The following SSH2 variants were observed in gnomAD, a reference collection of about 807,000 sequenced individuals.
SSH2 encodes protein phosphatase Slingshot homolog 2.
In SSH2, 37 loss-of-function variants were observed where a neutral mutation model predicts 135.2. The observed-to-expected ratio is 0.27, with a 90% CI of 0.21 to 0.36. SSH2 has a LOEUF of 0.36. Among genes scored for constraint, SSH2 ranks in the 10% least tolerant of loss-of-function variants. The pLI is 1.00. For synonymous variants in SSH2, 628 were observed against 646.2 expected (o/e 0.97, Z 0.43); for missense variants, 1,408 against 1,765.3 (o/e 0.80, Z 3.63).
At chr17:29,794,256 A>C (rs2042120755) in intron 2 of SSH2, among the ~76,000 whole-genome samples, 1 of 152,194 alleles carries the variant, frequency 6.6e-6, no homozygotes, top group Non-Finnish European at 1.5e-5. Flanking sequence ...TCAGCTTCAA[A>C]ACGAGTGGGC....
intron 3 of SSH2, among the ~76,000 whole-genome samples, chr17:29,752,531 TTTTA>T (rs1262550205): frequency 4.6e-5 from 7 of 152,226 alleles, no homozygotes; most frequent in African/African-American, 1.7e-4. Context: ...ATTCCAGATG[TTTTA>T]AAGAGTTAAA....
chr17:29,702,916 G>C, intron 4 of SSH2, 43 bp downstream of exon 4: 1 of 1,398,592 alleles, frequency 7.2e-7, no homozygotes, highest in Middle Eastern at 1.8e-4. Flanking sequence ...TGTAACAAAA[G>C]ATATAGTTAC....
chr17:29,884,496 A>G (rs1440291887), intron 1 of SSH2, among the ~76,000 whole-genome samples: 1 of 152,144 alleles, frequency 6.6e-6, no homozygotes, highest in Non-Finnish European at 1.5e-5. Context: ...AAGAGACTAC[A>G]AACATTACTT....
At chr17:29,718,812 T>C (rs1023681291) in intron 3 of SSH2, among the ~76,000 whole-genome samples, 1 of 150,274 alleles carries the variant, frequency 6.7e-6, no homozygotes, top group Non-Finnish European at 1.5e-5. Context: ...GTTTCCAAGA[T>C]GGCTCATTTA....
chr17:29,893,305 G>A (rs2066384214), intron 1 of SSH2, among the ~76,000 whole-genome samples: 1 of 151,790 alleles, frequency 6.6e-6, no homozygotes, highest in African/African-American at 2.4e-5. Flanking sequence ...AAGGGGGGGT[G>A]GGGGAGAATT....
intron 3 of SSH2, among the ~76,000 whole-genome samples, chr17:29,707,786 A>G (rs923320963): frequency 5.9e-5 from 9 of 152,280 alleles, no homozygotes; most frequent in African/African-American, 2.2e-4. Context: ...TTGGCCTCCC[A>G]AAGTGCTGGG....
chr17:29,760,818 A>G (rs1328347741), intron 3 of SSH2, among the ~76,000 whole-genome samples: 1 of 151,938 alleles, frequency 6.6e-6, no homozygotes, highest in South Asian at 2.1e-4. Context: ...CCTTCACCCA[A>G]GTCTTCCAAG....
At chr17:29,718,355 C>G (rs535787386) in intron 3 of SSH2, among the ~76,000 whole-genome samples, 2 of 152,308 alleles carry the variant, frequency 1.3e-5, no homozygotes, top group East Asian at 3.9e-4. Flanking sequence ...ATGGCTATCA[C>G]CATCCTGTAT....
intron 2 of SSH2, among the ~76,000 whole-genome samples, chr17:29,841,912 T>TTG: frequency 6.7e-6 from 1 of 148,752 alleles, no homozygotes; most frequent in South Asian, 2.2e-4. Flanking sequence ...TTTTTTTTTT[T>TTG]TTGTAGAGAC....
At chr17:29,717,336 A>AT (rs1251811059) in intron 3 of SSH2, among the ~76,000 whole-genome samples, 7 of 152,132 alleles carry the variant, frequency 4.6e-5, no homozygotes, top group African/African-American at 1.7e-4. Context: ...AGGTCTCACT[A>AT]TGTTGCCCAA....
At chr17:29,712,289 G>A (rs1457006372) in intron 3 of SSH2, among the ~76,000 whole-genome samples, 1 of 152,180 alleles carries the variant, frequency 6.6e-6, no homozygotes, top group East Asian at 1.9e-4. Context: ...GAGGTATGTA[G>A]CTTTTAAAAA....
At chr17:29,733,796 G>A (rs1217245334) in intron 3 of SSH2, among the ~76,000 whole-genome samples, 1 of 151,778 alleles carries the variant, frequency 6.6e-6, no homozygotes, top group African/African-American at 2.4e-5. Flanking sequence ...ACTATTTAAT[G>A]AAAAATGTCT....
intron 3 of SSH2, among the ~76,000 whole-genome samples, chr17:29,725,219 T>C (rs1023829689): frequency 2.6e-5 from 4 of 151,350 alleles, no homozygotes; most frequent in Non-Finnish European, 5.9e-5. Flanking sequence ...TGGTGGTGCG[T>C]GCCTGTAGTC....
At position 29,798,268 on chromosome 17, in the gene SSH2, C is replaced by T. The variant is rs566287214; in HGVS notation, c.145-4331G>A. 2.6e-5 allele frequency among the ~76,000 whole-genome samples: 4 copies of T among 151,660 alleles called. No homozygotes were observed. The South Asian group carries it at 6.3e-4, about 24-fold the overall frequency. On this transcript the variant is annotated intron_variant, in intron 2 of 15. Transcript: ENST00000540801. ...CGGCTCACTGGGTTCAAGCGATTCT[C>T]CTGCCTCAGCCTCCCAAGCAGCTGA...
At chr17:29,788,564 CT>C (rs940065380) in intron 3 of SSH2, among the ~76,000 whole-genome samples, 1 of 151,934 alleles carries the variant, frequency 6.6e-6, no homozygotes, top group African/African-American at 2.4e-5. Context: ...CAATTTCTTT[CT>C]TTTCTTTCTT....
At position 29,874,388 on chromosome 17, in the gene SSH2, T is replaced by G. The variant is rs541732388; in HGVS notation, c.64-25459A>C. On this transcript the variant is annotated intron_variant, in intron 1 of 15. Coordinates refer to ENST00000540801, the MANE Select transcript of SSH2 (RefSeq NM_001282129.2). Reference sequence around the variant, plus strand: ...ATAAATATTTTGATATGGTTAGGCTTTGATATGGGTCCCCACCCAGATCTC... The same window carrying G: ...ATAAATATTTTGATATGGTTAGGCTGTGATATGGGTCCCCACCCAGATCTC... Among the ~76,000 whole-genome samples, 3 of 152,314 alleles carry G rather than the reference T, an allele frequency of 2.0e-5. No homozygotes were observed. The East Asian group carries it at 5.8e-4, about 29-fold the overall frequency.
chr17:29,688,999 A>G (rs2038349968), intron 5 of SSH2, among the ~76,000 whole-genome samples: 1 of 152,258 alleles, frequency 6.6e-6, no homozygotes, highest in African/African-American at 2.4e-5. Flanking sequence ...TACTAAAAAT[A>G]CAAAAAAAAT....
intron 3 of SSH2, among the ~76,000 whole-genome samples, chr17:29,752,363 A>C (rs947947180): frequency 6.6e-6 from 1 of 152,208 alleles, no homozygotes; most frequent in African/African-American, 2.4e-5. Flanking sequence ...AGAGTACAGA[A>C]GTGTACTCCA....
At chr17:29,768,232 T>A (rs2151268370) in intron 3 of SSH2, among the ~76,000 whole-genome samples, 1 of 151,950 alleles carries the variant, frequency 6.6e-6, no homozygotes, top group South Asian at 2.1e-4. Context: ...TATGAGGAAC[T>A]ATATTATGGA....
Sources: allele counts gnomAD v4.1 joint callset (sites outside exome capture counted in the v4.1 genomes callset), GRCh38; gene constraint gnomAD v4.1.1; transcripts MANE v1.5; gene names NCBI Gene and HGNC (gene_info 2026-07-23, HGNC 2026-07-21).